Variants in SNPH observed in about 807,000 individuals in gnomAD.
The protein encoded by SNPH is syntaphilin.
A neutral mutation model predicts 36.8 loss-of-function variants in SNPH; 10 were observed. That is an observed-to-expected ratio of 0.27 (90% CI 0.17 to 0.46). The LOEUF (loss-of-function observed/expected upper bound fraction) is 0.46. Ranked by LOEUF, SNPH falls within the 20% of genes least tolerant of loss-of-function variation. SNPH has a pLI of 1.00. For missense variants in SNPH, 622 were observed against 744.0 expected (o/e 0.84, Z 1.91); for synonymous variants, 281 against 312.2 (o/e 0.90, Z 1.05).
chr20:1,303,631 C>G (rs551714457), intron 6 of SNPH, among the ~76,000 whole-genome samples: 1 of 152,300 alleles, frequency 6.6e-6, no homozygotes, highest in African/African-American at 2.4e-5. Context: ...CTAGGTGACA[C>G]CATTGCTGAC....
chr20:1,275,242 C>T (rs899351527), intron 2 of SNPH, among the ~76,000 whole-genome samples: 2 of 152,220 alleles, frequency 1.3e-5, no homozygotes, highest in Non-Finnish European at 2.9e-5. Flanking sequence ...GCCATTTTCT[C>T]ATCTGCCAAA....
chr20:1,305,777 C>A lies in SNPH; in HGVS notation c.1340C>A (p.Pro447His), dbSNP rs373179498. The change falls in exon 7 of 7, where the codon CCC becomes CAC. Residue 447 changes from proline (P) to histidine (H), a missense_variant. Physicochemically the swap from Pro to His is moderately conservative, Grantham distance 77 (BLOSUM62 -2). Around this residue, in one of 3 missense-constraint regions of SNPH, gnomAD observed 379 missense variants for 427.9 expected, o/e 0.89. Coordinates refer to ENST00000381867, the MANE Select transcript of SNPH (RefSeq NM_001318234.2). ...GGCCAGTCGGTGAGCGTGGTGTGCC[C>A]CATGGAAGAGGAGGAGGAGGCTGCC... ...NPGQSVSVVC[P>H]MEEEEEAAVA... 20 of 1,608,854 alleles carry A rather than the reference C, an allele frequency of 1.2e-5. No individual in the cohort carries two copies. Among genetic ancestry groups the A allele is most frequent in the Non-Finnish European group, 1.7e-5 (20 of 1,178,206 alleles).
At chr20:1,288,224 G>A (rs374959654) in intron 2 of SNPH, among the ~76,000 whole-genome samples, 41 of 152,332 alleles carry the variant, frequency 2.7e-4, no homozygotes, top group African/African-American at 9.6e-4. Context: ...GATCTCCTTC[G>A]ACAGGTAATA....
intron 2 of SNPH, among the ~76,000 whole-genome samples, chr20:1,275,358 C>G (rs2088119564): frequency 6.6e-6 from 1 of 152,312 alleles, no homozygotes; most frequent in South Asian, 2.1e-4. Context: ...ACTGCTTCCT[C>G]CTGTCTCTAT....
chr20:1,308,378 A>G lies in SNPH; in HGVS notation c.*2324A>G, dbSNP rs1397397919. On this transcript the variant is annotated 3_prime_UTR_variant, in exon 7 of 7. Transcript: ENST00000381867. ...TTCGGGGGCTCTCCTGGGGCCTTCG[A>G]TGGGCTTTTCTTCTTGTCAGTGGAG... 2 of 152,668 alleles carry G rather than the reference A, an allele frequency of 1.3e-5. No individual in the cohort carries two copies. The highest frequency in any genetic ancestry group is 4.8e-5 in the African/African-American group (2 of 41,436). 9.5% of individuals were successfully genotyped at this position (152,668 alleles called of 1,614,324 possible).
In SNPH at chr20:1,285,232, G is replaced by A. The variant is rs78606009; in HGVS notation, c.-492-9719G>A. On this transcript the variant is annotated intron_variant, in intron 2 of 6. Coordinates refer to ENST00000381867, the MANE Select transcript of SNPH (RefSeq NM_001318234.2). The surrounding 1 kb of genome is among the most constrained non-coding windows in gnomAD (Gnocchi z 4.9). ...AATCAGAAATTCATATTTTGGATGT[G>A]TTAATTTTGAGATACTCTGTTAGAC... is the stretch of plus-strand genomic sequence containing the variant. Among the ~76,000 whole-genome samples, 636 of 152,320 alleles carry A rather than the reference G, an allele frequency of 4.2e-3. 6 individuals are homozygous for A. Among genetic ancestry groups the A allele is most frequent in the African/African-American group, 0.014 (584 of 41,570 alleles).
At chr20:1,298,397 C>G (rs1231665867) in intron 5 of SNPH, among the ~76,000 whole-genome samples, 1 of 152,132 alleles carries the variant, frequency 6.6e-6, no homozygotes, top group Admixed American at 6.5e-5. Flanking sequence ...GAAGCGATGT[C>G]CAGAGCCACT....
intron 2 of SNPH, among the ~76,000 whole-genome samples, chr20:1,282,023 T>A (rs1205310238): frequency 6.6e-6 from 1 of 152,118 alleles, no homozygotes. Context: ...CATGGAAAAA[T>A]CATCTTGGAT....
At chr20:1,284,757 G>A (rs1223945363) in intron 2 of SNPH, among the ~76,000 whole-genome samples, 3 of 152,154 alleles carry the variant, frequency 2.0e-5, no homozygotes, top group Non-Finnish European at 4.4e-5. Context: ...AGTGAATGAG[G>A]GGGAGAGGTG....
chr20:1,270,487 A>G (rs1368232433), intron 2 of SNPH, among the ~76,000 whole-genome samples: 1 of 152,126 alleles, frequency 6.6e-6, no homozygotes, highest in African/African-American at 2.4e-5. Context: ...TTTAATAATA[A>G]TAGTAAAGGG....
chr20:1,271,257 C>T (rs2088070018), intron 2 of SNPH, among the ~76,000 whole-genome samples: 1 of 152,198 alleles, frequency 6.6e-6, no homozygotes, highest in Admixed American at 6.5e-5. Flanking sequence ...TTTTCCACAC[C>T]TGCAAAATGG....
rs879632728 is a variant in SNPH, at chr20:1,287,401, CT to C, written c.-492-7540del. On this transcript the variant is annotated intron_variant, in intron 2 of 6. Coordinates refer to ENST00000381867, the MANE Select transcript of SNPH (RefSeq NM_001318234.2). ...TTTACTTGAAAAGGTTCCCTTTGTT[CT>C]TTTTTTTTTCTTAATTTTTGCCCTG... is the stretch of plus-strand genomic sequence containing the variant. 2.6e-3 allele frequency among the ~76,000 whole-genome samples: 397 copies of C among 150,168 alleles called. 2 individuals are homozygous for C. Among genetic ancestry groups the C allele is most frequent in the Middle Eastern group, 0.014 (4 of 294 alleles).
At chr20:1,289,510 AATACAC>A (rs2088326552) in intron 2 of SNPH, among the ~76,000 whole-genome samples, 1 of 86,678 alleles carries the variant, frequency 1.2e-5, no homozygotes, top group Non-Finnish European at 2.1e-5. Context: ...GGTTCATTTA[AATACAC>A]ACACACACAC....
At position 1,304,954 on chromosome 20, in the gene SNPH, G is replaced by A. The variant is rs779162332; in HGVS notation, c.517G>A (p.Val173Met). 10 of 1,613,762 alleles carry A rather than the reference G, an allele frequency of 6.2e-6. No individual in the cohort carries two copies. Among genetic ancestry groups the A allele is most frequent in the East Asian group, 2.2e-5 (1 of 44,900 alleles). ...CTGGATTGAGGAGGAGTGCCACCGC[G>A]TGGAGGCCCAGCTGGCCCTGAAGGA... ...EDWIEEECHR[V>M]EAQLALKEAR... Residue 173 changes from valine (V) to methionine (M), a missense_variant, in exon 7 of 7, where the codon GTG becomes ATG. By Grantham distance (21) the Val-to-Met change is conservative. Coordinates refer to ENST00000381867, the MANE Select transcript of SNPH (RefSeq NM_001318234.2). The surrounding 1 kb of genome is among the most constrained non-coding windows in gnomAD (Gnocchi z 4.3).
At chr20:1,281,119 G>C (rs2088213325) in intron 2 of SNPH, among the ~76,000 whole-genome samples, 2 of 152,152 alleles carry the variant, frequency 1.3e-5, no homozygotes, top group African/African-American at 4.8e-5. Flanking sequence ...CCCACACAGA[G>C]GCCTGGGCGT....
In SNPH at chr20:1,266,614, C is replaced by T; in HGVS notation, c.-599-40C>T. 6.9e-7 allele frequency: 1 copy of T among 1,446,110 alleles called. No homozygotes were observed. Among genetic ancestry groups the T allele is most frequent in the East Asian group, 3.0e-5 (1 of 33,010 alleles). The allele number at this position is 1,446,110 out of a possible 1,614,324, so 89.6% of individuals were successfully genotyped here. On this transcript the variant is annotated intron_variant, in intron 1 of 6. Transcript: ENST00000381867. The surrounding 1 kb of genome is among the most constrained non-coding windows in gnomAD (Gnocchi z 6.0). The stretch of plus-strand genomic sequence containing the variant: ...GCTGCCTGGGTGTTCCCCGCCCGCG[C>T]TCACCCGCCCCGGTCTATCTCTTTT...
In SNPH at chr20:1,306,055, G is replaced by A. The variant is rs2088574954; in HGVS notation, c.*1G>A. The A allele has an allele frequency of 6.9e-7, 1 of 1,452,108 alleles. No individual in the cohort carries two copies. Among genetic ancestry groups the A allele is most frequent in the Non-Finnish European group, 9.1e-7 (1 of 1,104,546 alleles). 90.0% of individuals were successfully genotyped at this position (1,452,108 alleles called of 1,614,324 possible). A position where few individuals can be genotyped will look rare whatever the true frequency, so the allele number is the denominator to read the frequency against. On this transcript the variant is annotated 3_prime_UTR_variant, in exon 7 of 7. Coordinates refer to ENST00000381867, the MANE Select transcript of SNPH (RefSeq NM_001318234.2). ...AGCGGGCGGCGGCTCCCAGCTCTGA[G>A]GGGGCCCATTCTGGCAGCGGCGCCT...
At chr20:1,270,268 A>G (rs751734400) in intron 2 of SNPH, among the ~76,000 whole-genome samples, 20 of 152,178 alleles carry the variant, frequency 1.3e-4, no homozygotes, top group Non-Finnish European at 2.8e-4. Flanking sequence ...CCTAGTTTCA[A>G]GAAGCTCATA....
intron 2 of SNPH, among the ~76,000 whole-genome samples, chr20:1,278,810 C>T (rs1017251403): frequency 6.6e-6 from 1 of 152,070 alleles, no homozygotes; most frequent in South Asian, 2.1e-4. Flanking sequence ...CAGCCTCCTG[C>T]GTAGCTGAGA....
Sources: gnomAD v4.1 joint callset for allele counts (sites outside exome capture counted in the v4.1 genomes callset) on GRCh38, gnomAD v4.1.1 for gene constraint, gnomAD v4.1.1 regional missense constraint, Gnocchi (gnomAD v3.1) non-coding constraint, MANE v1.5 for transcripts, NCBI Gene and HGNC (gene_info 2026-07-23, HGNC 2026-07-21) for gene names.